The following DIAPH3 variants were observed in gnomAD, a reference collection of about 807,000 sequenced individuals.
DIAPH3 encodes diaphanous related formin 3, also known as protein diaphanous homolog 3.
DIAPH3 carries 117 observed loss-of-function variants against 144.3 expected under a neutral mutation model. The ratio of observed to expected loss-of-function variants is 0.81; its 90% confidence interval spans 0.70 to 0.95. The LOEUF is 0.95. Among genes scored for constraint, DIAPH3 ranks in the 40% least tolerant of loss-of-function variants. DIAPH3 has a pLI of 0.00. For missense variants in DIAPH3, 1,421 were observed against 1,412.7 expected, an observed-to-expected ratio of 1.01 and a Z score of -0.09; for synonymous variants, 519 against 488.9, an observed-to-expected ratio of 1.06 and a Z score of -0.81.
In DIAPH3 at chr13:59,833,554, T is replaced by G. The variant is rs75391455; in HGVS notation, c.2863-283A>C. Among the ~76,000 whole-genome samples the G allele has an allele frequency of 4.4e-3, 675 of 151,880 alleles. 19 individuals are homozygous for G. In the East Asian group the frequency reaches 0.088, roughly 20 times the overall value. Reference sequence around the variant, plus strand: ...AAATCTTTCTTCCAACTTACTATAATAATATAATATGCAGATCATACAATA... The same window carrying G: ...AAATCTTTCTTCCAACTTACTATAAGAATATAATATGCAGATCATACAATA... On this transcript the variant is annotated intron_variant, in intron 23 of 27. Transcript: ENST00000400324.
chr13:59,712,781 C>T (rs796207510), intron 27 of DIAPH3, among the ~76,000 whole-genome samples: 2 of 152,296 alleles, frequency 1.3e-5, no homozygotes, highest in African/African-American at 4.8e-5. Context: ...TCCATGAAAA[C>T]AATCCTGTGT....
At chr13:60,019,068 A>C (rs1333868611) in intron 5 of DIAPH3, among the ~76,000 whole-genome samples, 1 of 152,118 alleles carries the variant, frequency 6.6e-6, no homozygotes, top group Non-Finnish European at 1.5e-5. Context: ...AGGGGTATGA[A>C]TATCACTTCC....
intron 22 of DIAPH3, among the ~76,000 whole-genome samples, chr13:59,850,213 T>C (rs1444601199): frequency 6.6e-6 from 1 of 152,024 alleles, no homozygotes; most frequent in African/African-American, 2.4e-5. Context: ...CTTAAGGAGA[T>C]TTTGGGCTGA....
intron 27 of DIAPH3, among the ~76,000 whole-genome samples, chr13:59,753,836 A>G (rs936455575): frequency 6.6e-6 from 1 of 152,214 alleles, no homozygotes; most frequent in Admixed American, 6.5e-5. Context: ...TGTGTTTCAC[A>G]AAAACAGCGT....
chr13:59,736,329 T>C (rs765040455), intron 27 of DIAPH3, among the ~76,000 whole-genome samples: 4 of 152,206 alleles, frequency 2.6e-5, no homozygotes, highest in Non-Finnish European at 5.9e-5. Context: ...CTGGATTGAA[T>C]GGTATTTCTG....
intron 27 of DIAPH3, among the ~76,000 whole-genome samples, chr13:59,721,008 T>A (rs1258429098): frequency 6.6e-6 from 1 of 152,196 alleles, no homozygotes; most frequent in African/African-American, 2.4e-5. Flanking sequence ...AATATTTGTA[T>A]TCTATTAAAA....
chr13:59,694,361 A>T (rs1205223769), intron 27 of DIAPH3, among the ~76,000 whole-genome samples: 2 of 152,168 alleles, frequency 1.3e-5, no homozygotes, highest in African/African-American at 4.8e-5. Flanking sequence ...TTTACTATAA[A>T]GGAAGTTATT....
chr13:59,987,334 G>A (rs1420784955), intron 12 of DIAPH3, among the ~76,000 whole-genome samples: 1 of 151,594 alleles, frequency 6.6e-6, no homozygotes, highest in Non-Finnish European at 1.5e-5. Flanking sequence ...GTGGGGTGGG[G>A]GGAGTGGGGA....
intron 5 of DIAPH3, among the ~76,000 whole-genome samples, chr13:60,022,676 CTT>C (rs2054111670): frequency 6.6e-6 from 1 of 152,172 alleles, no homozygotes; most frequent in Admixed American, 6.5e-5. Flanking sequence ...TGGATCAAGA[CTT>C]TACCCTACTC....
chr13:59,947,564 A>T (rs1485600615), intron 17 of DIAPH3, among the ~76,000 whole-genome samples: 1 of 152,116 alleles, frequency 6.6e-6, no homozygotes, highest in Non-Finnish European at 1.5e-5. Context: ...AGAGTTTCAC[A>T]TCTTACTAAT....
Position 59,980,872 on chromosome 13 carries a change from T to C in DIAPH3, c.1481-13A>G. 2 of 1,605,018 alleles carry C rather than the reference T, an allele frequency of 1.2e-6. No individual in the cohort carries two copies. Among genetic ancestry groups the C allele is most frequent in the African/African-American group, 1.3e-5 (1 of 74,690 alleles). The stretch of plus-strand genomic sequence containing the variant: ...TCTATGCAAATGTCTAAAATTGCAA[T>C]GACAGGAAATTTTTAATGTGAAACT... On this transcript the variant is annotated splice_polypyrimidine_tract_variant and intron_variant, in intron 13 of 27. Coordinates refer to ENST00000400324, the MANE Select transcript of DIAPH3 (RefSeq NM_001042517.2).
At chr13:60,001,212 C>T (rs550318452) in intron 9 of DIAPH3, among the ~76,000 whole-genome samples, 1 of 152,262 alleles carries the variant, frequency 6.6e-6, no homozygotes, top group East Asian at 1.9e-4. Context: ...TTCAAAGTTC[C>T]TCTCCTACAG....
At chr13:59,947,724 C>G (rs2140420438) in intron 17 of DIAPH3, among the ~76,000 whole-genome samples, 1 of 150,426 alleles carries the variant, frequency 6.6e-6, no homozygotes, top group African/African-American at 2.4e-5. Context: ...CAGAGCAAGA[C>G]TCTGTATTTA....
chr13:59,727,653 T>C (rs76054613), intron 27 of DIAPH3, among the ~76,000 whole-genome samples: 6,519 of 152,278 alleles, frequency 0.043, 233 homozygotes, highest in South Asian at 0.1. Flanking sequence ...ACACTGCCTA[T>C]CTAGAGTAGG....
intron 27 of DIAPH3, among the ~76,000 whole-genome samples, chr13:59,673,261 C>T (rs923979632): frequency 7.2e-5 from 11 of 152,168 alleles, no homozygotes; most frequent in African/African-American, 2.7e-4. Flanking sequence ...TCATCTCTCC[C>T]CTCAATTCTT....
At chr13:60,027,418 T>C (rs2054452486) in intron 5 of DIAPH3, among the ~76,000 whole-genome samples, 1 of 152,236 alleles carries the variant, frequency 6.6e-6, no homozygotes, top group South Asian at 2.1e-4. Flanking sequence ...TTATTCCCAC[T>C]TTTCATATCA....
chr13:59,784,839 C>G (rs948570481), intron 25 of DIAPH3, among the ~76,000 whole-genome samples: 1 of 151,054 alleles, frequency 6.6e-6, no homozygotes, highest in Non-Finnish European at 1.5e-5. Flanking sequence ...AGAAGAAAAA[C>G]CACACACGCG....
At chr13:59,892,859 A>G (rs2045890780) in intron 20 of DIAPH3, among the ~76,000 whole-genome samples, 1 of 152,134 alleles carries the variant, frequency 6.6e-6, no homozygotes, top group African/African-American at 2.4e-5. Flanking sequence ...TGGATTAAAA[A>G]GCAAAACTCA....
At chr13:60,103,038 C>G (rs1006199889) in intron 3 of DIAPH3, among the ~76,000 whole-genome samples, 2 of 151,994 alleles carry the variant, frequency 1.3e-5, no homozygotes, top group Non-Finnish European at 2.9e-5. Context: ...GCCAGAAGTT[C>G]CCACACACCA....
Sources: gnomAD v4.1 joint callset for allele counts (sites outside exome capture counted in the v4.1 genomes callset) on GRCh38, gnomAD v4.1.1 for gene constraint, MANE v1.5 for transcripts, NCBI Gene and HGNC (gene_info 2026-07-23, HGNC 2026-07-21) for gene names.